Variants in TRIM33 observed in about 807,000 individuals in gnomAD.
TRIM33 encodes E3 ubiquitin-protein ligase TRIM33.
In TRIM33, 20 loss-of-function variants were observed where a neutral mutation model predicts 125.4. The observed-to-expected ratio is 0.16, with a 90% confidence interval of 0.11 to 0.23. The LOEUF is 0.23. Ranked by LOEUF, TRIM33 falls within the 10% of genes least tolerant of loss-of-function variation. The pLI, the probability that TRIM33 is intolerant of heterozygous loss-of-function variation, is 1.00. For missense variants in TRIM33, 920 were observed against 1,411.4 expected (o/e 0.65, Z 5.58); for synonymous variants, 564 against 513.9 (o/e 1.10, Z -1.32).
At chr1:114,507,018 T>C (rs1002314519) in intron 1 of TRIM33, among the ~76,000 whole-genome samples, 6 of 152,234 alleles carry the variant, frequency 3.9e-5, no homozygotes, top group Non-Finnish European at 5.9e-5. Flanking sequence ...AACTTATTTA[T>C]TGAACAGTCT....
At chr1:114,449,226 G>GA (rs1321089649) in intron 4 of TRIM33, among the ~76,000 whole-genome samples, 3 of 151,216 alleles carry the variant, frequency 2.0e-5, no homozygotes, top group East Asian at 1.9e-4. Flanking sequence ...AGATGTGAAA[G>GA]AAAAAAAAAG....
rs769486886 is a variant in TRIM33 at position 114,410,309 on chromosome 1, T to C, written c.2069A>G (p.Asp690Gly). Reference protein sequence around the residue: ...LPDIPPIQLEDAGSSSLDNLL... With the variant: ...LPDIPPIQLEGAGSSSLDNLL... ...ATTATCTAAACTACTTGAGCCAGCA[T>C]CTTCCAACTGAAGAGAAAGAAGATA... Residue 690 changes from aspartate to glycine, a missense_variant, in exon 12 of 20, where the codon GAT becomes GGT. Asp to Gly is a moderately conservative substitution (Grantham distance 94). Around this residue, in one of 8 missense-constraint regions of TRIM33, gnomAD observed 407 missense variants for 589.7 expected, o/e 0.69. Transcript: ENST00000358465. The C allele has an allele frequency of 6.2e-7, 1 of 1,608,444 alleles. No individual in the cohort carries two copies. The highest frequency in any genetic ancestry group is 8.5e-7 in the Non-Finnish European group (1 of 1,178,652).
chr1:114,419,392 G>A (rs116210775), intron 11 of TRIM33, among the ~76,000 whole-genome samples: 3,526 of 152,078 alleles, frequency 0.023, 131 homozygotes, highest in African/African-American at 0.08. Flanking sequence ...TTTGTGTGGT[G>A]GGCAGATAAC....
At chr1:114,459,493 G>C (rs1355098425) in intron 4 of TRIM33, among the ~76,000 whole-genome samples, 1 of 152,108 alleles carries the variant, frequency 6.6e-6, no homozygotes, top group Non-Finnish European at 1.5e-5. Context: ...TGTTGAGCTG[G>C]GCATGGTGAT....
intron 1 of TRIM33, among the ~76,000 whole-genome samples, chr1:114,487,374 C>T (rs868824478): frequency 6.9e-6 from 1 of 145,826 alleles, no homozygotes; most frequent in South Asian, 2.1e-4. Context: ...GGCTCAACAT[C>T]ATTCAAAGGC....
At chr1:114,413,004 A>G (rs1346964492) in intron 11 of TRIM33, among the ~76,000 whole-genome samples, 1 of 152,232 alleles carries the variant, frequency 6.6e-6, no homozygotes, top group East Asian at 1.9e-4. Context: ...ATTCTCACCA[A>G]TACTTGCTAT....
Position 114,397,934 on chromosome 1 carries a change from G to T in TRIM33, c.3171+6C>A, listed in dbSNP as rs759124781. The T allele has an allele frequency of 6.2e-7, 1 of 1,613,488 alleles. No homozygotes were observed. Among genetic ancestry groups the T allele is most frequent in the Non-Finnish European group, 8.5e-7 (1 of 1,179,866 alleles). Reference sequence around the variant, plus strand: ...TCACCAAGTTTGCATGGTCTGAAAAGCTTACCTTCAAATTAATCTCTTGTG... The same window carrying T: ...TCACCAAGTTTGCATGGTCTGAAAATCTTACCTTCAAATTAATCTCTTGTG... On this transcript the variant is annotated splice_donor_region_variant and intron_variant, in intron 19 of 19. Transcript: ENST00000358465.
chr1:114,420,279 A>G, intron 11 of TRIM33: 3 of 551,762 alleles, frequency 5.4e-6, no homozygotes, highest in Non-Finnish European at 1.0e-5. Context: ...CTCTCAGTAT[A>G]AGCCTCAAAG....
chr1:114,477,043 T>C (rs1294179827), intron 1 of TRIM33, among the ~76,000 whole-genome samples: 19 of 152,194 alleles, frequency 1.2e-4, no homozygotes, highest in Admixed American at 1.2e-3. Context: ...TCCAGCGTAT[T>C]GACTCTACAT....
chr1:114,418,932 C>T (rs755907241), intron 11 of TRIM33, among the ~76,000 whole-genome samples: 2 of 152,038 alleles, frequency 1.3e-5, no homozygotes, highest in Non-Finnish European at 2.9e-5. Context: ...TGAAAAACCC[C>T]TAAGCTGCCA....
In TRIM33 at chr1:114,396,033, G is replaced by GA. The variant is rs1370717017; in HGVS notation, c.*1614dup. On this transcript the variant is annotated 3_prime_UTR_variant, in exon 20 of 20. Transcript: ENST00000358465. Reference sequence around the variant, plus strand: ...AGTCTACTCTCTGAACTGCTTAAATGAATTTTTAAAAAGGCAAATAAATGA... The same window carrying GA: ...AGTCTACTCTCTGAACTGCTTAAATGAAATTTTTAAAAAGGCAAATAAATGA... 2 of 197,836 alleles carry GA rather than the reference G, an allele frequency of 1.0e-5. No individual in the cohort carries two copies. The highest frequency in any genetic ancestry group is 2.1e-5 in the Non-Finnish European group (2 of 95,544). The allele number at this position is 197,836 out of a possible 1,614,324, so 12.3% of individuals were successfully genotyped here. A position where few individuals can be genotyped will look rare whatever the true frequency, so the allele number is the denominator to read the frequency against.
chr1:114,481,380 CA>C, intron 1 of TRIM33, among the ~76,000 whole-genome samples: 1 of 152,146 alleles, frequency 6.6e-6, no homozygotes, highest in East Asian at 1.9e-4. Flanking sequence ...ATCACGAGGT[CA>C]GGGGTTCAAG....
intron 1 of TRIM33, among the ~76,000 whole-genome samples, chr1:114,471,040 C>T (rs896874795): frequency 2.0e-5 from 3 of 152,202 alleles, no homozygotes; most frequent in Non-Finnish European, 4.4e-5. Flanking sequence ...CCCAAGCAAT[C>T]CTCCCGCATA....
intron 1 of TRIM33, among the ~76,000 whole-genome samples, chr1:114,504,104 T>A (rs114601887): frequency 7.6e-4 from 116 of 152,336 alleles, no homozygotes; most frequent in African/African-American, 2.7e-3. Flanking sequence ...TGTGTGAAAG[T>A]AAATATGCAA....
chr1:114,400,289 C>T (rs778385677), intron 17 of TRIM33, among the ~76,000 whole-genome samples: 2 of 152,168 alleles, frequency 1.3e-5, no homozygotes, highest in Admixed American at 1.3e-4. Flanking sequence ...TGGCTCATTG[C>T]CACCTCCATC....
At chr1:114,403,266 T>C (rs1458002986) in intron 15 of TRIM33, among the ~76,000 whole-genome samples, 2 of 152,202 alleles carry the variant, frequency 1.3e-5, no homozygotes, top group African/African-American at 2.4e-5. Flanking sequence ...TCAGGTATCT[T>C]GTACTGTTTT....
At chr1:114,505,806 G>A (rs997555772) in intron 1 of TRIM33, among the ~76,000 whole-genome samples, 6 of 152,124 alleles carry the variant, frequency 3.9e-5, no homozygotes, top group African/African-American at 7.2e-5. Flanking sequence ...GACCTCAAGC[G>A]ATCTGCCCGC....
intron 1 of TRIM33, among the ~76,000 whole-genome samples, chr1:114,466,250 G>C (rs1650290931): frequency 6.6e-6 from 1 of 152,140 alleles, no homozygotes; most frequent in South Asian, 2.1e-4. Context: ...TAGAGACAAA[G>C]ATATGAGAGC....
chr1:114,507,936 G>A (rs1032773517), intron 1 of TRIM33, among the ~76,000 whole-genome samples: 10 of 152,054 alleles, frequency 6.6e-5, no homozygotes, highest in African/African-American at 2.4e-4. Context: ...GACCAGTATG[G>A]CAAAACCCCG....
Sources: allele counts gnomAD v4.1 joint callset (sites outside exome capture counted in the v4.1 genomes callset), GRCh38; gene constraint gnomAD v4.1.1; regional missense constraint gnomAD v4.1.1; transcripts MANE v1.5; gene names NCBI Gene and HGNC (gene_info 2026-07-23, HGNC 2026-07-21).